Variants in EXOC4 observed in about 807,000 individuals in gnomAD.
The protein encoded by EXOC4 is exocyst complex component 4.
A neutral mutation model predicts 107.2 loss-of-function variants in EXOC4; 71 were observed. The observed-to-expected ratio is 0.66, with a 90% CI of 0.55 to 0.81. The LOEUF (loss-of-function observed/expected upper bound fraction) is 0.81, where lower values mean the gene tolerates loss of function less well. EXOC4 is among the 30% of genes least tolerant of loss of function. The probability of loss-of-function intolerance (pLI) is 0.00; values close to 1 mark genes in which losing one functional copy is unlikely to be tolerated. For missense variants in EXOC4, 1,108 were observed against 1,189.6 expected (o/e 0.93, Z 1.01); for synonymous variants, 456 against 441.2 (o/e 1.03, Z -0.42).
At chr7:133,570,685 G>T (rs1801005112) in intron 9 of EXOC4, among the ~76,000 whole-genome samples, 1 of 152,168 alleles carries the variant, frequency 6.6e-6, no homozygotes, top group Non-Finnish European at 1.5e-5. Flanking sequence ...TGTAGGAAAT[G>T]GGGAAACCAG....
intron 5 of EXOC4, among the ~76,000 whole-genome samples, chr7:133,348,125 A>G (rs889764031): frequency 6.6e-6 from 1 of 152,156 alleles, no homozygotes; most frequent in Non-Finnish European, 1.5e-5. Flanking sequence ...TTTTTTCATA[A>G]AGCACCAATA....
downstream of EXOC4, among the ~76,000 whole-genome samples, chr7:134,067,453 G>T (rs1275828755): frequency 6.6e-6 from 1 of 151,964 alleles, no homozygotes; most frequent in Non-Finnish European, 1.5e-5. Flanking sequence ...CTACTCTCTG[G>T]TACTTAGCAT....
intron 7 of EXOC4, among the ~76,000 whole-genome samples, chr7:133,401,017 A>G (rs1294480377): frequency 2.6e-5 from 4 of 152,166 alleles, no homozygotes; most frequent in African/African-American, 9.7e-5. Flanking sequence ...TTGTACAGGA[A>G]GTAGTAAAAG....
intron 12 of EXOC4, among the ~76,000 whole-genome samples, chr7:133,900,474 A>G (rs1799426398): frequency 6.6e-6 from 1 of 152,202 alleles, no homozygotes; most frequent in African/African-American, 2.4e-5. Flanking sequence ...AGCTTGGGTC[A>G]GACTGGAGGA....
At chr7:133,376,158 G>C (rs2150691830) in intron 7 of EXOC4, among the ~76,000 whole-genome samples, 1 of 152,154 alleles carries the variant, frequency 6.6e-6, no homozygotes, top group Non-Finnish European at 1.5e-5. Flanking sequence ...ATTGATTCCT[G>C]GTTTTTCATT....
intron 3 of EXOC4, among the ~76,000 whole-genome samples, chr7:133,302,375 G>C (rs1053305067): frequency 6.6e-6 from 1 of 152,108 alleles, no homozygotes; most frequent in Non-Finnish European, 1.5e-5. Context: ...ATGGTAATAG[G>C]TGTTCGGTGA....
intron 5 of EXOC4, among the ~76,000 whole-genome samples, chr7:133,329,432 A>G (rs1399468266): frequency 6.6e-6 from 1 of 152,154 alleles, no homozygotes; most frequent in Non-Finnish European, 1.5e-5. Flanking sequence ...CAACTCATTC[A>G]TCAAACTCAT....
At chr7:133,440,170 A>G (rs1798073047) in intron 7 of EXOC4, among the ~76,000 whole-genome samples, 1 of 152,148 alleles carries the variant, frequency 6.6e-6, no homozygotes, top group East Asian at 1.9e-4. Context: ...CTCTTCAGGA[A>G]GTTGTCATAG....
chr7:133,437,598 T>G (rs1285596062), intron 7 of EXOC4, among the ~76,000 whole-genome samples: 1 of 152,222 alleles, frequency 6.6e-6, no homozygotes, highest in Non-Finnish European at 1.5e-5. Flanking sequence ...ATAGGATATT[T>G]TATTATCTAA....
intron 17 of EXOC4, among the ~76,000 whole-genome samples, chr7:134,056,868 C>T (rs1185998202): frequency 6.6e-6 from 1 of 152,176 alleles, no homozygotes; most frequent in Non-Finnish European, 1.5e-5. Flanking sequence ...GTGTCATCAT[C>T]TCAACGGTGA....
intron 14 of EXOC4, among the ~76,000 whole-genome samples, chr7:133,945,922 A>T (rs894401016): frequency 6.6e-6 from 1 of 152,094 alleles, no homozygotes; most frequent in African/African-American, 2.4e-5. Flanking sequence ...CCTACCCAAG[A>T]TCTCTTGGGA....
intron 9 of EXOC4, among the ~76,000 whole-genome samples, chr7:133,586,867 G>A (rs894306104): frequency 2.6e-5 from 4 of 151,956 alleles, no homozygotes; most frequent in Admixed American, 6.6e-5. Flanking sequence ...GTCTCACTCC[G>A]TCACCCAGGC....
At chr7:133,519,248 C>G (rs1251044560) in intron 9 of EXOC4, among the ~76,000 whole-genome samples, 2 of 151,942 alleles carry the variant, frequency 1.3e-5, no homozygotes, top group African/African-American at 4.8e-5. Flanking sequence ...ACCCTTGTCT[C>G]TATAAAAAAT....
intron 11 of EXOC4, among the ~76,000 whole-genome samples, chr7:133,894,343 A>C (rs956103259): frequency 5.7e-5 from 7 of 123,154 alleles, no homozygotes; most frequent in East Asian, 4.6e-4. Flanking sequence ...AATTTTTTTC[A>C]AAGTTTTCAA....
At chr7:133,949,106 G>C (rs1366990119) in intron 14 of EXOC4, among the ~76,000 whole-genome samples, 1 of 152,182 alleles carries the variant, frequency 6.6e-6, no homozygotes, top group African/African-American at 2.4e-5. Flanking sequence ...CAGAAGCTGA[G>C]ATGTAAAAGC....
intron 13 of EXOC4, among the ~76,000 whole-genome samples, chr7:133,918,351 C>T (rs1026980936): frequency 2.0e-5 from 3 of 152,176 alleles, no homozygotes; most frequent in African/African-American, 7.2e-5. Context: ...TTCATTCACT[C>T]AGCAAAGTTG....
chr7:133,254,543 A>G (rs1490293395), intron 1 of EXOC4, among the ~76,000 whole-genome samples: 2 of 152,116 alleles, frequency 1.3e-5, no homozygotes, highest in Admixed American at 1.3e-4. Flanking sequence ...TGTTTTTTCT[A>G]CCTTATAGTC....
rs1377615036 is a variant in EXOC4 at position 133,642,360 on chromosome 7, G to A, written c.1514+12219G>A. Among the ~76,000 whole-genome samples the A allele has an allele frequency of 2.0e-5, 3 of 152,230 alleles. No homozygotes were observed. In the East Asian group the frequency reaches 5.8e-4, roughly 29 times the overall value. On this transcript the variant is annotated intron_variant, in intron 10 of 17. Coordinates refer to ENST00000253861, the MANE Select transcript of EXOC4 (RefSeq NM_021807.4). ...TTTTACACGTAGAAGATTATCTGTT[G>A]TAGAGGCACAGCTCTTTTCATGCCA...
At chr7:133,573,237 G>A (rs1224834543) in intron 9 of EXOC4, among the ~76,000 whole-genome samples, 1 of 152,156 alleles carries the variant, frequency 6.6e-6, no homozygotes, top group Non-Finnish European at 1.5e-5. Flanking sequence ...TATATTGTTA[G>A]AGATGGAAGC....
Sources: gnomAD v4.1 joint callset for allele counts (sites outside exome capture counted in the v4.1 genomes callset) on GRCh38, gnomAD v4.1.1 for gene constraint, MANE v1.5 for transcripts, NCBI Gene and HGNC (gene_info 2026-07-23, HGNC 2026-07-21) for gene names.